USH2A: variants seen among roughly 807,000 people sequenced by gnomAD.
The protein encoded by USH2A is usherin, also known as Usher syndrome 2A (autosomal recessive, mild).
In USH2A, 443 loss-of-function variants were observed where a neutral mutation model predicts 538.9. That is an observed-to-expected ratio of 0.82 (90% CI 0.76 to 0.89). The LOEUF (loss-of-function observed/expected upper bound fraction) is 0.89. Ranked by LOEUF, USH2A falls within the 40% of genes least tolerant of loss-of-function variation. USH2A has a pLI of 0.00. For synonymous variants in USH2A, 2,413 were observed against 2,273.5 expected, an observed-to-expected ratio of 1.06 and a Z score of -1.75; for missense variants, 6,633 against 6,324.8, an observed-to-expected ratio of 1.05 and a Z score of -1.65.
At position 216,422,148 on chromosome 1, in the gene USH2A, T is replaced by G. The variant is rs752055316; in HGVS notation, c.189A>C (p.Arg63=). The G allele has an allele frequency of 6.2e-7, 1 of 1,613,824 alleles. No individual in the cohort carries two copies. The highest frequency in any genetic ancestry group is 8.5e-7 in the Non-Finnish European group (1 of 1,179,892). The part of the protein sequence containing the change: ...PTQAVCGLPD[R]STFCHSSAAA... ...CAGCAGAGCTGTGACAAAAAGTGCT[T>G]CGGTCTGGGAGTCCACATACTGCTT... The change falls in exon 2 of 72, where the codon CGA becomes CGC. Residue 63 remains arginine, a synonymous_variant. Transcript: ENST00000307340.
chr1:215,838,958 C>T (rs1180856456), intron 46 of USH2A, among the ~76,000 whole-genome samples: 4 of 152,024 alleles, frequency 2.6e-5, no homozygotes, highest in East Asian at 1.9e-4. Flanking sequence ...ACATTAATTC[C>T]GAGCTTTTAT....
intron 21 of USH2A, among the ~76,000 whole-genome samples, chr1:216,123,133 T>C (rs1315813404): frequency 6.6e-6 from 1 of 152,178 alleles, no homozygotes. Flanking sequence ...GATTATCCAA[T>C]ACTAGAAAAG....
intron 35 of USH2A, among the ~76,000 whole-genome samples, chr1:215,990,666 A>G (rs1378553166): frequency 3.3e-5 from 5 of 152,074 alleles, no homozygotes; most frequent in African/African-American, 1.2e-4. Flanking sequence ...GAATGATTTC[A>G]TGGAATAAGA....
Position 215,728,253 on chromosome 1 carries a change from T to C in USH2A, c.11843A>G (p.Lys3948Arg), listed in dbSNP as rs1659890100. 6.2e-7 allele frequency: 1 copy of C among 1,614,122 alleles called. No individual in the cohort carries two copies. Among genetic ancestry groups the C allele is most frequent in the Non-Finnish European group, 8.5e-7 (1 of 1,180,026 alleles). ...TGACCACAGACTCTCCACTGAACCC[T>C]TGGAGTTACAGGCTCTGACCCGATA... ...YEYRVRACNS[K>R]GSVESLWSLT... The change falls in exon 61 of 72, where the codon AAG (lysine) becomes AGG (arginine). Residue 3948 changes from lysine to arginine, a missense_variant. Coordinates refer to ENST00000307340, the MANE Select transcript of USH2A (RefSeq NM_206933.4).
chr1:215,867,140 T>C lies in USH2A; in HGVS notation c.8712A>G (p.Val2904=), dbSNP rs774764404. The change falls in exon 44 of 72, where the codon GTA becomes GTG. Residue 2904 remains valine (V), a synonymous_variant. Coordinates refer to ENST00000307340, the MANE Select transcript of USH2A (RefSeq NM_206933.4). The part of the protein sequence containing the change: ...RFTTYEYMLF[V]HNSVGFTPSR... ...TCGGTGTAAAACCCACACTGTTGTG[T>C]ACGAAGAGCATATATTCATAGGTTG... 1.9e-6 allele frequency: 3 copies of C among 1,614,148 alleles called. No individual in the cohort carries two copies. Among genetic ancestry groups the C allele is most frequent in the African/African-American group, 2.7e-5 (2 of 75,044 alleles).
At chr1:215,696,276 AAGG>A (rs1329153157) in intron 61 of USH2A, among the ~76,000 whole-genome samples, 1 of 152,180 alleles carries the variant, frequency 6.6e-6, no homozygotes, top group South Asian at 2.1e-4. Flanking sequence ...TGAATAGGTC[AAGG>A]AGGAGAAGGA....
rs145355299 is a variant in USH2A, at chr1:215,631,227, AGTGTGTGTGT to A, written c.15298-2202_15298-2193del. ...CAGAGCTTGTCACATGAGGGGGAGA[AGTGTGTGTGT>A]GTGTGTGTGTGGGTGGGTGTTGCAG... On this transcript the variant is annotated intron_variant, in intron 70 of 71. Coordinates refer to ENST00000307340, the MANE Select transcript of USH2A (RefSeq NM_206933.4). 1.8e-3 allele frequency among the ~76,000 whole-genome samples: 260 copies of A among 148,550 alleles called. 1 individual carries two copies. Among genetic ancestry groups the A allele is most frequent in the Non-Finnish European group, 2.5e-3 (170 of 66,842 alleles).
chr1:216,165,940 G>A (rs1203347063), intron 21 of USH2A, among the ~76,000 whole-genome samples: 1 of 151,640 alleles, frequency 6.6e-6, no homozygotes, highest in Non-Finnish European at 1.5e-5. Flanking sequence ...CCAATGTGTA[G>A]TTTTTTTTAT....
At chr1:216,118,185 A>G (rs900131930) in intron 21 of USH2A, among the ~76,000 whole-genome samples, 10 of 152,172 alleles carry the variant, frequency 6.6e-5, no homozygotes, top group Non-Finnish European at 1.3e-4. Flanking sequence ...AATGAGTTAA[A>G]TACATGAAAA....
intron 34 of USH2A, among the ~76,000 whole-genome samples, chr1:215,996,915 T>C (rs1414919531): frequency 6.6e-6 from 1 of 152,156 alleles, no homozygotes; most frequent in Non-Finnish European, 1.5e-5. Context: ...CCCGTGTAGC[T>C]TCCTCTATTC....
chr1:216,107,910 A>G (rs1337310031), intron 21 of USH2A, among the ~76,000 whole-genome samples: 1 of 151,840 alleles, frequency 6.6e-6, no homozygotes, highest in Non-Finnish European at 1.5e-5. Flanking sequence ...CCTTACAGCA[A>G]CATACTTCCA....
chr1:216,365,648 G>A (rs2102709460), intron 3 of USH2A, among the ~76,000 whole-genome samples: 1 of 152,028 alleles, frequency 6.6e-6, no homozygotes, highest in East Asian at 1.9e-4. Flanking sequence ...CAAGCAAGTA[G>A]CCTAATAACT....
rs61107444 is a variant in USH2A at position 216,116,801 on chromosome 1, G to T, written c.4628-19588C>A. On this transcript the variant is annotated intron_variant, in intron 21 of 71. Coordinates refer to ENST00000307340, the MANE Select transcript of USH2A (RefSeq NM_206933.4). ...AAAGTAAGGGAATAACAAAATGAAG[G>T]TGCTGGCTAATCTAACATTATGACA... is the stretch of plus-strand genomic sequence containing the variant. Among the ~76,000 whole-genome samples, 906 of 151,962 alleles carry T rather than the reference G, an allele frequency of 6.0e-3. 11 individuals are homozygous for T. Among genetic ancestry groups the T allele is most frequent in the African/African-American group, 0.021 (865 of 41,432 alleles).
chr1:216,189,807 T>A (rs1345465915), intron 20 of USH2A, among the ~76,000 whole-genome samples: 3 of 151,926 alleles, frequency 2.0e-5, no homozygotes, highest in Admixed American at 2.0e-4. Context: ...TATCCTAACG[T>A]CCTCATAAGA....
chr1:215,835,247 G>T (rs1399775042), intron 47 of USH2A, among the ~76,000 whole-genome samples: 1 of 150,436 alleles, frequency 6.6e-6, no homozygotes, highest in African/African-American at 2.4e-5. Context: ...TTCCCTACTG[G>T]GTGACCAGAG....
At chr1:216,207,537 T>C (rs1048904415) in intron 15 of USH2A, 106 bp from the exon 16 acceptor site, 5 of 1,390,368 alleles carry the variant, frequency 3.6e-6, no homozygotes, top group Non-Finnish European at 5.1e-6. Context: ...CAGGATTGCT[T>C]TATCAAGAAG....
chr1:215,985,021 C>T (rs1667839088), intron 35 of USH2A, among the ~76,000 whole-genome samples: 1 of 152,136 alleles, frequency 6.6e-6, no homozygotes, highest in Non-Finnish European at 1.5e-5. Context: ...GGAAATTCTA[C>T]CTGACAAACT....
At chr1:216,388,836 T>C (rs2039051100) in intron 3 of USH2A, among the ~76,000 whole-genome samples, 1 of 152,246 alleles carries the variant, frequency 6.6e-6, no homozygotes, top group Non-Finnish European at 1.5e-5. Context: ...TGTGAGGAAT[T>C]CTTGCCTTTT....
chr1:216,370,677 C>CAAAAAAAAATA (rs2038694731), intron 3 of USH2A, among the ~76,000 whole-genome samples: 1 of 29,990 alleles, frequency 3.3e-5, no homozygotes, highest in Non-Finnish European at 6.1e-5. Context: ...GACTCTGTCT[C>CAAAAAAAAATA]AAAAAAAAAA....
Sources: allele counts gnomAD v4.1 joint callset (sites outside exome capture counted in the v4.1 genomes callset), GRCh38; gene constraint gnomAD v4.1.1; transcripts MANE v1.5; gene names NCBI Gene and HGNC (gene_info 2026-07-23, HGNC 2026-07-21).